The following PTPN12 variants were observed in gnomAD, a reference collection of about 807,000 sequenced individuals.
PTPN12 encodes protein tyrosine phosphatase non-receptor type 12.
Under a neutral mutation model 97.6 loss-of-function variants are expected in PTPN12, and 29 were observed. The ratio of observed to expected loss-of-function variants is 0.30; its 90% CI spans 0.22 to 0.41. PTPN12 has a LOEUF of 0.41. Ranked by LOEUF, PTPN12 falls within the 10% of genes least tolerant of loss-of-function variation. The pLI is 1.00. For missense variants in PTPN12, 819 were observed against 926.0 expected, an observed-to-expected ratio of 0.88 and a Z score of 1.50; for synonymous variants, 327 against 300.4, an observed-to-expected ratio of 1.09 and a Z score of -0.91.
intron 12 of PTPN12, among the ~76,000 whole-genome samples, chr7:77,621,538 G>A (rs537198628): frequency 2.6e-5 from 4 of 151,960 alleles, no homozygotes; most frequent in African/African-American, 7.2e-5. Flanking sequence ...GCGTTGTGGC[G>A]GGCACCTGTA....
At chr7:77,626,407 A>G (rs1157564112) in intron 12 of PTPN12, among the ~76,000 whole-genome samples, 4 of 152,228 alleles carry the variant, frequency 2.6e-5, no homozygotes, top group African/African-American at 7.2e-5. Context: ...AGTCTGAAAT[A>G]CAGAGGTGTA....
At chr7:77,556,572 A>G (rs1807721326) in intron 1 of PTPN12, among the ~76,000 whole-genome samples, 1 of 152,092 alleles carries the variant, frequency 6.6e-6, no homozygotes, top group Non-Finnish European at 1.5e-5. Flanking sequence ...ATATTCGGCC[A>G]GGCACAGTGG....
At chr7:77,540,320 C>T (rs749501514) in intron 1 of PTPN12, among the ~76,000 whole-genome samples, 2 of 151,448 alleles carry the variant, frequency 1.3e-5, no homozygotes, top group East Asian at 1.9e-4. Flanking sequence ...TCACTGCATC[C>T]TCCACCTCCC....
At position 77,611,057 on chromosome 7, in the gene PTPN12, T is replaced by G. The variant is rs373168105; in HGVS notation, c.939+11T>G. The G allele has an allele frequency of 2.5e-6, 4 of 1,585,074 alleles. No homozygotes were observed. In the African/African-American group the frequency reaches 5.4e-5, roughly 21 times the overall value. ...ATTGCTGATGGAGTGGTAGGTGTTC[T>G]TGGTCTATTAATTTTAGGAAACTTT... On this transcript the variant is annotated intron_variant, in intron 11 of 17. Coordinates refer to ENST00000248594, the MANE Select transcript of PTPN12 (RefSeq NM_002835.4).
At position 77,626,973 on chromosome 7, in the gene PTPN12, C is replaced by G. The variant is rs1364505513; in HGVS notation, c.1294C>G (p.Arg432Gly). 1 of 1,609,492 alleles carries G rather than the reference C, an allele frequency of 6.2e-7. No homozygotes were observed. Among genetic ancestry groups the G allele is most frequent in the Admixed American group, 1.7e-5 (1 of 58,508 alleles). Reference protein sequence around the residue: ...TIEQIDKKLERNLSFEIKKVP... With the variant: ...TIEQIDKKLEGNLSFEIKKVP... ...TGAACAGATAGATAAAAAATTGGAA[C>G]GAAATTTAAGTTTTGAGATTAAGAA... The change falls in exon 13 of 18, where the codon CGA becomes GGA. Residue 432 changes from arginine (R) to glycine (G), a missense_variant. This residue lies in a region of PTPN12 where 607 missense variants were observed against 577.3 expected (regional missense o/e 1.05). Transcript: ENST00000248594.
intron 1 of PTPN12, among the ~76,000 whole-genome samples, chr7:77,539,287 C>T (rs755669911): frequency 6.6e-6 from 1 of 152,176 alleles, no homozygotes; most frequent in Non-Finnish European, 1.5e-5. Flanking sequence ...AAAGTTTTCT[C>T]AGTATCTTTT....
chr7:77,573,274 G>C (rs1174988256), intron 2 of PTPN12, among the ~76,000 whole-genome samples: 1 of 151,930 alleles, frequency 6.6e-6, no homozygotes, highest in Non-Finnish European at 1.5e-5. Context: ...CCATAAACAG[G>C]GTTGCTTATT....
chr7:77,612,875 G>A (rs1009637452), intron 11 of PTPN12, among the ~76,000 whole-genome samples: 5 of 151,684 alleles, frequency 3.3e-5, no homozygotes, highest in East Asian at 1.9e-4. Context: ...GGGTTCAAGC[G>A]ATTCTCCTGC....
At chr7:77,625,524 A>ACTCTCT (rs753369979) in intron 12 of PTPN12, among the ~76,000 whole-genome samples, 5 of 17,022 alleles carry the variant, frequency 2.9e-4, no homozygotes, top group African/African-American at 1.2e-3. Flanking sequence ...TCTCTCTCTC[A>ACTCTCT]CTCTCACTCT....
At chr7:77,625,946 G>A (rs1425671386) in intron 12 of PTPN12, among the ~76,000 whole-genome samples, 1 of 152,138 alleles carries the variant, frequency 6.6e-6, no homozygotes, top group Non-Finnish European at 1.5e-5. Flanking sequence ...CCCAGAAAGA[G>A]GAAAATGAGA....
intron 1 of PTPN12, 137 bp downstream of exon 1, chr7:77,537,782 G>A (rs1806727740): frequency 1.0e-6 from 1 of 994,040 alleles, no homozygotes; most frequent in South Asian, 2.1e-5. Context: ...CGGGTGAGCC[G>A]GGTGGTCTCG....
At chr7:77,542,130 G>A (rs1807007106) in intron 1 of PTPN12, among the ~76,000 whole-genome samples, 1 of 152,150 alleles carries the variant, frequency 6.6e-6, no homozygotes, top group Admixed American at 6.5e-5. Context: ...GGAAAGTTAG[G>A]TAGAGGTCTT....
chr7:77,588,870 G>C (rs1787776527), intron 5 of PTPN12, among the ~76,000 whole-genome samples: 1 of 152,076 alleles, frequency 6.6e-6, no homozygotes, highest in South Asian at 2.1e-4. Flanking sequence ...ATTTTTGTTT[G>C]TTTGTTTGTT....
intron 6 of PTPN12, among the ~76,000 whole-genome samples, chr7:77,596,093 C>T (rs1788013976): frequency 6.6e-6 from 1 of 152,162 alleles, no homozygotes; most frequent in Non-Finnish European, 1.5e-5. Context: ...GAATGACATT[C>T]TATGTATATT....
intron 1 of PTPN12, among the ~76,000 whole-genome samples, chr7:77,555,144 T>C (rs184446960): frequency 1.3e-5 from 2 of 152,274 alleles, no homozygotes; most frequent in Admixed American, 1.3e-4. Context: ...GAGTCAGATG[T>C]AATTCTTATT....
At chr7:77,584,660 G>T (rs1004837202) in intron 4 of PTPN12, among the ~76,000 whole-genome samples, 2 of 152,094 alleles carry the variant, frequency 1.3e-5, no homozygotes, top group Non-Finnish European at 2.9e-5. Context: ...GGCAGATCAC[G>T]AGGTCAGGAG....
intron 5 of PTPN12, among the ~76,000 whole-genome samples, chr7:77,587,633 C>T (rs1276928392): frequency 1.3e-5 from 2 of 152,160 alleles, no homozygotes; most frequent in African/African-American, 4.8e-5. Flanking sequence ...TGCATTAACC[C>T]CTAACAAGAG....
At chr7:77,608,738 C>A (rs917915121) in intron 9 of PTPN12, among the ~76,000 whole-genome samples, 1 of 151,974 alleles carries the variant, frequency 6.6e-6, no homozygotes, top group South Asian at 2.1e-4. Flanking sequence ...TTAAAAAGCC[C>A]TCTGGGGTTA....
intron 6 of PTPN12, among the ~76,000 whole-genome samples, chr7:77,595,325 C>T (rs960996950): frequency 2.6e-5 from 4 of 152,136 alleles, no homozygotes; most frequent in Non-Finnish European, 4.4e-5. Context: ...TAAAAATATT[C>T]GTAGTAAGTC....
Sources: allele counts gnomAD v4.1 joint callset (sites outside exome capture counted in the v4.1 genomes callset), GRCh38; gene constraint gnomAD v4.1.1; regional missense constraint gnomAD v4.1.1; transcripts MANE v1.5; gene names NCBI Gene and HGNC (gene_info 2026-07-23, HGNC 2026-07-21).